Variants in RECQL5 observed in about 807,000 individuals in gnomAD.
RECQL5 encodes the protein RecQ like helicase 5, also known as ATP-dependent DNA helicase Q5.
Under a neutral mutation model 103.4 loss-of-function variants are expected in RECQL5, and 88 were observed. That is an observed-to-expected ratio of 0.85 (90% CI 0.72 to 1.02). The LOEUF (loss-of-function observed/expected upper bound fraction) is 1.02, where lower values mean the gene tolerates loss of function less well. Among genes scored for constraint, RECQL5 ranks in the 50% least tolerant of loss-of-function variants. The pLI is 0.00. For synonymous variants in RECQL5, 552 were observed against 507.9 expected (o/e 1.09, Z -1.17); for missense variants, 1,232 against 1,284.3 (o/e 0.96, Z 0.62).
At chr17:75,665,918 C>T (rs555954934) in intron 2 of RECQL5, among the ~76,000 whole-genome samples, 58 of 152,308 alleles carry the variant, frequency 3.8e-4, no homozygotes, top group African/African-American at 1.3e-3. Context: ...CATTATTACT[C>T]TTTCCTTCTC....
chr17:75,630,471 TG>T, intron 13 of RECQL5, 147 bp downstream of exon 13: 1 of 953,126 alleles, frequency 1.0e-6, no homozygotes, highest in Non-Finnish European at 1.6e-6. Flanking sequence ...TGCCTGGCCC[TG>T]GTGGGGTTGT....
At chr17:75,634,453 G>T (rs1482322372) in intron 8 of RECQL5, among the ~76,000 whole-genome samples, 1 of 152,258 alleles carries the variant, frequency 6.6e-6, no homozygotes, top group Admixed American at 6.5e-5. Context: ...CTGTGCAGCA[G>T]AGGGGCCCCG....
chr17:75,630,940 G>A (rs1229615116), intron 11 of RECQL5, 34 bp downstream of exon 11: 1 of 1,610,858 alleles, frequency 6.2e-7, no homozygotes, highest in Admixed American at 1.7e-5. Flanking sequence ...CCCGGGAAGA[G>A]CCCACAAGCC....
intron 7 of RECQL5, among the ~76,000 whole-genome samples, chr17:75,655,892 G>A (rs545279741): frequency 1.1e-4 from 16 of 151,506 alleles, no homozygotes; most frequent in African/African-American, 2.9e-4. Context: ...ATGTTGGGCC[G>A]GATGGTCCTG....
chr17:75,631,326 G>A lies in RECQL5; in HGVS notation c.1449-77C>T, dbSNP rs1469794280. ...TGTGTGCTGCTGCTAGAACGGCAAT[G>A]TCCCTGATGTCCTACCAGCTCAAGG... On this transcript the variant is annotated intron_variant, in intron 9 of 19. Coordinates refer to ENST00000317905, the MANE Select transcript of RECQL5 (RefSeq NM_004259.7). 1.1e-5 allele frequency: 17 copies of A among 1,536,262 alleles called. No individual in the cohort carries two copies. In the East Asian group the frequency reaches 1.8e-4, roughly 16 times the overall value.
Position 75,631,160 on chromosome 17 carries a change from T to G in RECQL5, c.1538A>C (p.Gln513Pro), listed in dbSNP as rs762312156. The G allele has an allele frequency of 8.7e-6, 14 of 1,613,718 alleles. No homozygotes were observed. Among genetic ancestry groups the G allele is most frequent in the Non-Finnish European group, 1.2e-5 (14 of 1,179,998 alleles). Residue 513 changes from glutamine (Q) to proline (P), a missense_variant, in exon 10 of 20, where the codon CAG becomes CCG. By Grantham distance (76) the Gln-to-Pro change is moderately conservative. Transcript: ENST00000317905. ...AGTGCCTCCCCTCACCTTGCGCAGC[T>G]GCATCTGCTTCTGATAGAAGAGGTT... ...EWNLFYQKQMQLRKGKDPKIE... is the reference protein window; with the variant it reads ...EWNLFYQKQMPLRKGKDPKIE...
rs781336855 is a variant in RECQL5 at position 75,640,226 on chromosome 17, G to A, written c.1230-8558C>T. 1.9e-6 allele frequency: 3 copies of A among 1,550,746 alleles called. No homozygotes were observed. The highest frequency in any genetic ancestry group is 2.4e-5 in the South Asian group (2 of 84,026). On this transcript the variant is annotated intron_variant, in intron 8 of 19. Transcript: ENST00000317905. The surrounding 1 kb of genome is among the most constrained non-coding windows in gnomAD (Gnocchi z 4.6). ...CATGGCTGCCACCGACTTCGTGCAG[G>A]AGATGCGCGCCGTGGGCGAGAGGCT...
intron 8 of RECQL5, chr17:75,635,705 C>G: frequency 3.7e-6 from 3 of 805,322 alleles, no homozygotes; most frequent in Non-Finnish European, 4.5e-6. Context: ...GGACCTCAAA[C>G]GAGATAATGC....
chr17:75,636,141 A>C lies in RECQL5; in HGVS notation c.1230-4473T>G, dbSNP rs2059317428. 1.3e-5 allele frequency among the ~76,000 whole-genome samples: 2 copies of C among 151,870 alleles called. No homozygotes were observed. Among genetic ancestry groups the C allele is most frequent in the African/African-American group, 2.4e-5 (1 of 41,322 alleles). ...GAGGGCCTGGTGGCAGCTGGGCTAC[A>C]CTCCCTCTTAAGGCCAGAGGGAGCC... On this transcript the variant is annotated intron_variant, in intron 8 of 19. Transcript: ENST00000317905. This position sits in a 1 kb window ranked among gnomAD's most constrained non-coding sequence, Gnocchi z 5.4.
chr17:75,628,357 G>T lies in RECQL5; in HGVS notation c.2666C>A (p.Ala889Asp), dbSNP rs1364345808. The T allele has an allele frequency of 1.9e-6, 3 of 1,613,978 alleles. No homozygotes were observed. The highest frequency in any genetic ancestry group is 2.5e-6 in the Non-Finnish European group (3 of 1,180,038). ...VVAEVKGSVS[A>D]SEQGTLNPTA... Reference sequence around the variant, plus strand: ...GGGATTCAAGGTGCCCTGTTCGCTGGCCGAGACGCTGCCCTTGACCTCAGC... The same window carrying T: ...GGGATTCAAGGTGCCCTGTTCGCTGTCCGAGACGCTGCCCTTGACCTCAGC... The change falls in exon 18 of 20, where the codon GCC (alanine) becomes GAC (aspartate). Residue 889 changes from alanine (A) to aspartate (D), a missense_variant. Transcript: ENST00000317905.
Position 75,628,334 on chromosome 17 carries a change from G to A in RECQL5, c.2689C>T (p.Pro897Ser), listed in dbSNP as rs201290003. 46 of 1,614,024 alleles carry A rather than the reference G, an allele frequency of 2.9e-5. No homozygotes were observed. In the African/African-American group the frequency reaches 5.2e-4, roughly 18 times the overall value. ...AGCTGGAAGGGGTCTTGAGCCGTGGGATTCAAGGTGCCCTGTTCGCTGGCC... is the reference window on the plus strand; with the variant it reads ...AGCTGGAAGGGGTCTTGAGCCGTGGAATTCAAGGTGCCCTGTTCGCTGGCC... ...VSASEQGTLNPTAQDPFQLSA... is the reference protein window; with the variant it reads ...VSASEQGTLNSTAQDPFQLSA... The change falls in exon 18 of 20, where the codon CCC becomes TCC. Residue 897 changes from proline (P) to serine (S), a missense_variant. Pro to Ser is a moderately conservative substitution (Grantham distance 74). Transcript: ENST00000317905.
chr17:75,663,507 G>A (rs1019392737), intron 3 of RECQL5, among the ~76,000 whole-genome samples: 10 of 152,082 alleles, frequency 6.6e-5, no homozygotes, highest in Admixed American at 5.2e-4. Flanking sequence ...GTGGAATCAC[G>A]TCAGCACTAA....
At chr17:75,645,595 C>G (rs1317374434) in intron 8 of RECQL5, among the ~76,000 whole-genome samples, 1 of 152,196 alleles carries the variant, frequency 6.6e-6, no homozygotes, top group African/African-American at 2.4e-5. Flanking sequence ...CGGAGCTGCA[C>G]GCAAAGGGTG....
chr17:75,631,825 C>T (rs963825001), intron 8 of RECQL5, among the ~76,000 whole-genome samples, 157 bp from the exon 9 acceptor site: 15 of 152,238 alleles, frequency 9.9e-5, no homozygotes, highest in East Asian at 1.9e-4. Context: ...CACCAGGCAT[C>T]GTTTGGCTCT....
chr17:75,647,601 G>A (rs776102390), intron 8 of RECQL5: 135 of 1,544,956 alleles, frequency 8.7e-5, no homozygotes, highest in Non-Finnish European at 1.1e-4. Context: ...CAGCAGGGGA[G>A]GCGAGCTGAC....
intron 8 of RECQL5, chr17:75,637,155 C>G (rs886557576): frequency 6.6e-6 from 1 of 152,352 alleles, no homozygotes; most frequent in Non-Finnish European, 1.5e-5. Context: ...TTCCTCCTCC[C>G]TGTTCTGGTG....
chr17:75,640,306 C>A lies in RECQL5; in HGVS notation c.1230-8638G>T. The stretch of plus-strand genomic sequence containing the variant: ...CTGAGCCCGTGGAGATCGTGGCCTT[C>A]TCAGTCATCATCCTTTTCACAGGTT... On this transcript the variant is annotated intron_variant, in intron 8 of 19. Coordinates refer to ENST00000317905, the MANE Select transcript of RECQL5 (RefSeq NM_004259.7). The surrounding 1 kb of genome is among the most constrained non-coding windows in gnomAD (Gnocchi z 4.6). 1 of 1,550,608 alleles carries A rather than the reference C, an allele frequency of 6.4e-7. No individual in the cohort carries two copies. The highest frequency in any genetic ancestry group is 1.4e-5 in the African/African-American group (1 of 73,116).
chr17:75,630,555 T>C, intron 13 of RECQL5, 64 bp downstream of exon 13: 1 of 1,545,564 alleles, frequency 6.5e-7, no homozygotes, highest in Non-Finnish European at 8.9e-7. Context: ...GTTGACAGGG[T>C]CCTGCAGTCT....
At chr17:75,664,725 C>T (rs1420415305) in intron 3 of RECQL5, among the ~76,000 whole-genome samples, 1 of 151,780 alleles carries the variant, frequency 6.6e-6, no homozygotes, top group Non-Finnish European at 1.5e-5. Context: ...CCAGCCTGGC[C>T]AACATGGTGA....
Sources: gnomAD v4.1 joint callset for allele counts (sites outside exome capture counted in the v4.1 genomes callset) on GRCh38, gnomAD v4.1.1 for gene constraint, Gnocchi (gnomAD v3.1) non-coding constraint, MANE v1.5 for transcripts, NCBI Gene and HGNC (gene_info 2026-07-23, HGNC 2026-07-21) for gene names.